Variants in SLIT3 observed in about 807,000 individuals in gnomAD.
The protein encoded by SLIT3 is slit homolog 3 protein.
In SLIT3, 68 loss-of-function variants were observed where a neutral mutation model predicts 184.0. The observed-to-expected ratio is 0.37, with a 90% CI of 0.30 to 0.45. The LOEUF (loss-of-function observed/expected upper bound fraction) is 0.45, where lower values mean the gene tolerates loss of function less well. Ranked by LOEUF, SLIT3 falls within the 20% of genes least tolerant of loss-of-function variation. The pLI is 1.00. For synonymous variants in SLIT3, 831 were observed against 828.6 expected, an observed-to-expected ratio of 1.00 and a Z score of -0.05; for missense variants, 1,707 against 2,026.0, an observed-to-expected ratio of 0.84 and a Z score of 3.02.
intron 4 of SLIT3, among the ~76,000 whole-genome samples, chr5:169,177,430 C>T (rs904680846): frequency 5.6e-4 from 85 of 152,212 alleles, no homozygotes; most frequent in African/African-American, 6.5e-4. Flanking sequence ...TCATGCTGAG[C>T]GGGGAAATCA....
At chr5:168,983,453 A>G (rs1394951281) in intron 4 of SLIT3, among the ~76,000 whole-genome samples, 1 of 152,186 alleles carries the variant, frequency 6.6e-6, no homozygotes, top group Non-Finnish European at 1.5e-5. Context: ...AAATATCACA[A>G]ATCCTCAGTG....
intron 4 of SLIT3, among the ~76,000 whole-genome samples, chr5:169,071,465 T>A (rs1489448923): frequency 6.6e-6 from 1 of 152,198 alleles, no homozygotes; most frequent in Non-Finnish European, 1.5e-5. Flanking sequence ...AGGTAGTTCA[T>A]AAAACACTGA....
At chr5:168,736,322 G>T (rs942700354) in intron 20 of SLIT3, among the ~76,000 whole-genome samples, 3 of 152,168 alleles carry the variant, frequency 2.0e-5, no homozygotes, top group African/African-American at 7.2e-5. Flanking sequence ...ATCTGCTGAG[G>T]TCTTCTCTGG....
At chr5:168,897,948 G>A (rs1272324371) in intron 4 of SLIT3, among the ~76,000 whole-genome samples, 1 of 152,126 alleles carries the variant, frequency 6.6e-6, no homozygotes, top group African/African-American at 2.4e-5. Context: ...GGGGAAGGTC[G>A]GCTGGGGCTT....
intron 4 of SLIT3, among the ~76,000 whole-genome samples, chr5:169,163,002 G>A (rs1207658562): frequency 6.6e-6 from 1 of 152,094 alleles, no homozygotes; most frequent in African/African-American, 2.4e-5. Context: ...TAACAGACAG[G>A]AGGGAGAAGA....
chr5:169,032,165 G>C (rs891961), intron 4 of SLIT3, among the ~76,000 whole-genome samples: 16,360 of 152,086 alleles, frequency 0.11, 1,531 homozygotes, highest in African/African-American at 0.25. Context: ...AGTGAAAGTC[G>C]ACTGTAAATG....
intron 32 of SLIT3, among the ~76,000 whole-genome samples, chr5:168,676,062 C>T (rs1316482479): frequency 6.6e-6 from 1 of 152,000 alleles, no homozygotes; most frequent in Non-Finnish European, 1.5e-5. Context: ...ATCCATTCAT[C>T]CCATCACATC....
At chr5:169,234,347 G>A (rs538111484) in intron 3 of SLIT3, among the ~76,000 whole-genome samples, 197 of 152,172 alleles carry the variant, frequency 1.3e-3, no homozygotes, top group Non-Finnish European at 2.4e-3. Context: ...AGGATTTTTG[G>A]AAGTGTTGAC....
At chr5:168,946,253 A>G (rs1026462957) in intron 4 of SLIT3, among the ~76,000 whole-genome samples, 11 of 152,302 alleles carry the variant, frequency 7.2e-5, no homozygotes, top group African/African-American at 2.2e-4. Context: ...TGAGAGACCA[A>G]GGGAGGGGAC....
chr5:168,668,261 T>TGCCATCAGCTTGGATACATATGC (rs1176961184), intron 35 of SLIT3, among the ~76,000 whole-genome samples: 4 of 152,138 alleles, frequency 2.6e-5, no homozygotes, highest in Non-Finnish European at 5.9e-5. Flanking sequence ...TGTGGAGCAA[T>TGCCATCAGCTTGGATACATATGC]GCCATCAGCT....
intron 26 of SLIT3, among the ~76,000 whole-genome samples, chr5:168,701,262 G>C (rs1762205047): frequency 6.6e-6 from 1 of 152,228 alleles, no homozygotes; most frequent in Non-Finnish European, 1.5e-5. Context: ...CACAACTTGA[G>C]TAGGGAAGAC....
chr5:168,993,673 G>GAAAAA (rs11428012), intron 4 of SLIT3, among the ~76,000 whole-genome samples: 1 of 145,286 alleles, frequency 6.9e-6, no homozygotes, highest in Non-Finnish European at 1.5e-5. Flanking sequence ...AAGTACACAG[G>GAAAAA]AAAAAAAAAA....
intron 32 of SLIT3, among the ~76,000 whole-genome samples, chr5:168,675,813 C>G (rs1307342833): frequency 1.3e-5 from 2 of 152,196 alleles, no homozygotes; most frequent in African/African-American, 4.8e-5. Flanking sequence ...CTAGTGATCC[C>G]TGTTCTAGTG....
In SLIT3 at chr5:168,710,924, G is replaced by C. The variant is rs773644936; in HGVS notation, c.2690C>G (p.Thr897Ser). 2 of 1,558,820 alleles carry C rather than the reference G, an allele frequency of 1.3e-6. No individual in the cohort carries two copies. The highest frequency in any genetic ancestry group is 1.7e-6 in the Non-Finnish European group (2 of 1,150,562). ...GCACTGGAAGCGGTGGGTTGGGGTG[G>C]TGAGCAGGAGCCTGTCAGCCATGGG... ...PEPMADRLLL[T>S]TPTHRFQCKG... The change falls in exon 25 of 36, where the codon ACC (threonine) becomes AGC (serine). Residue 897 changes from threonine (T) to serine (S), a missense_variant. Transcript: ENST00000519560.
intron 26 of SLIT3, among the ~76,000 whole-genome samples, chr5:168,703,722 C>T (rs541940484): frequency 6.6e-5 from 10 of 151,964 alleles, no homozygotes; most frequent in South Asian, 6.3e-4. Context: ...GGGAGGCCAG[C>T]GTGGGCGGAT....
At chr5:168,844,491 A>C in intron 6 of SLIT3, 93 bp downstream of exon 6, 2 of 1,178,460 alleles carry the variant, frequency 1.7e-6, no homozygotes, top group Non-Finnish European at 2.5e-6. Context: ...ACCCTCCTGC[A>C]CACACTCTCC....
intron 4 of SLIT3, among the ~76,000 whole-genome samples, chr5:169,069,018 G>C (rs1758451281): frequency 6.6e-6 from 1 of 152,148 alleles, no homozygotes; most frequent in Non-Finnish European, 1.5e-5. Context: ...CCACAATCAA[G>C]TAGAAGGTAC....
At chr5:168,953,600 G>A (rs766512773) in intron 4 of SLIT3, among the ~76,000 whole-genome samples, 7 of 152,162 alleles carry the variant, frequency 4.6e-5, no homozygotes, top group Non-Finnish European at 1.0e-4. Flanking sequence ...TAAGATAATT[G>A]GTGCAAAGCA....
chr5:169,214,641 TA>T (rs1452939673), intron 3 of SLIT3, among the ~76,000 whole-genome samples: 1 of 152,174 alleles, frequency 6.6e-6, no homozygotes, highest in East Asian at 1.9e-4. Context: ...ACCCAACATT[TA>T]ACGGAGACTC....
Sources: allele counts gnomAD v4.1 joint callset (sites outside exome capture counted in the v4.1 genomes callset), GRCh38; gene constraint gnomAD v4.1.1; transcripts MANE v1.5; gene names NCBI Gene and HGNC (gene_info 2026-07-23, HGNC 2026-07-21).